ADGRL3: variants seen among roughly 807,000 people sequenced by gnomAD.
ADGRL3 encodes calcium-independent alpha-latrotoxin receptor 3.
In ADGRL3, 62 loss-of-function variants were observed where a neutral mutation model predicts 153.5. The observed-to-expected ratio is 0.40, with a 90% CI of 0.33 to 0.50. The LOEUF (loss-of-function observed/expected upper bound fraction) is 0.50. ADGRL3 is among the 20% of genes least tolerant of loss of function. ADGRL3 has a pLI of 0.47. For synonymous variants in ADGRL3, 710 were observed against 672.5 expected, an observed-to-expected ratio of 1.06 and a Z score of -0.86; for missense variants, 1,641 against 1,859.4, an observed-to-expected ratio of 0.88 and a Z score of 2.16.
At chr4:61,751,251 C>G (rs556833560) in intron 8 of ADGRL3, among the ~76,000 whole-genome samples, 2 of 152,172 alleles carry the variant, frequency 1.3e-5, no homozygotes, top group Middle Eastern at 3.4e-3. Context: ...TAATTTTAAC[C>G]TATTATTCTA....
intron 11 of ADGRL3, among the ~76,000 whole-genome samples, chr4:61,907,169 T>C (rs1385841680): frequency 6.6e-6 from 1 of 152,118 alleles, no homozygotes; most frequent in East Asian, 1.9e-4. Flanking sequence ...AGCAAGTTGA[T>C]TCCATAGACA....
At chr4:61,346,367 G>C (rs1475964379) in intron 1 of ADGRL3, among the ~76,000 whole-genome samples, 2 of 151,182 alleles carry the variant, frequency 1.3e-5, no homozygotes, top group Non-Finnish European at 2.9e-5. Flanking sequence ...TAGATGGCTT[G>C]TATGGGGGAG....
chr4:61,396,126 T>C (rs1397976131), intron 2 of ADGRL3, among the ~76,000 whole-genome samples: 1 of 151,992 alleles, frequency 6.6e-6, no homozygotes, highest in Non-Finnish European at 1.5e-5. Flanking sequence ...ACCTACAGTG[T>C]GCTTTTCACC....
chr4:62,053,207 TAA>T (rs1347184104), intron 25 of ADGRL3, among the ~76,000 whole-genome samples: 1 of 151,422 alleles, frequency 6.6e-6, no homozygotes, highest in Non-Finnish European at 1.5e-5. Flanking sequence ...TTCAATTACC[TAA>T]AAAATTAAAA....
chr4:61,656,850 A>G (rs1352945327), intron 5 of ADGRL3, among the ~76,000 whole-genome samples: 1 of 152,154 alleles, frequency 6.6e-6, no homozygotes, highest in Non-Finnish European at 1.5e-5. Context: ...TTAGATGTCC[A>G]TTTGGACATT....
At chr4:61,788,677 C>T (rs973330429) in intron 8 of ADGRL3, among the ~76,000 whole-genome samples, 15 of 152,112 alleles carry the variant, frequency 9.9e-5, no homozygotes, top group Admixed American at 7.2e-4. Flanking sequence ...TGGATCCAAA[C>T]CAAGAAGAAA....
chr4:61,282,634 T>G (rs2093769549), intron 1 of ADGRL3, among the ~76,000 whole-genome samples: 1 of 151,802 alleles, frequency 6.6e-6, no homozygotes, highest in Non-Finnish European at 1.5e-5. Context: ...GGATGCTAAC[T>G]TTTTTTTACT....
intron 19 of ADGRL3, among the ~76,000 whole-genome samples, chr4:61,989,031 G>A (rs1049067979): frequency 6.6e-6 from 1 of 151,916 alleles, no homozygotes; most frequent in Non-Finnish European, 1.5e-5. Context: ...TTTCAAAGGG[G>A]TACTTTCTCC....
intron 1 of ADGRL3, among the ~76,000 whole-genome samples, chr4:61,369,742 A>G (rs1459665519): frequency 6.6e-6 from 1 of 152,216 alleles, no homozygotes; most frequent in African/African-American, 2.4e-5. Context: ...TGCTGGCCTC[A>G]TAAAATGAGT....
chr4:61,418,135 A>C (rs2097164686), intron 2 of ADGRL3, among the ~76,000 whole-genome samples: 1 of 152,236 alleles, frequency 6.6e-6, no homozygotes, highest in Non-Finnish European at 1.5e-5. Flanking sequence ...AAGAGCAAGA[A>C]GCAAAAGGCA....
intron 2 of ADGRL3, among the ~76,000 whole-genome samples, chr4:61,398,617 C>G (rs1407026714): frequency 6.6e-6 from 1 of 151,484 alleles, no homozygotes. Flanking sequence ...GTTTTGCTGA[C>G]CATTCCATCC....
At chr4:61,703,098 T>G (rs1053807651) in intron 6 of ADGRL3, among the ~76,000 whole-genome samples, 3 of 152,122 alleles carry the variant, frequency 2.0e-5, no homozygotes, top group African/African-American at 7.2e-5. Context: ...TCCTTTGTAT[T>G]TTATTATACT....
chr4:61,212,930 T>C (rs1740808847), intron 1 of ADGRL3, among the ~76,000 whole-genome samples: 1 of 152,170 alleles, frequency 6.6e-6, no homozygotes, highest in Admixed American at 6.5e-5. Flanking sequence ...GATCTTATCT[T>C]GGTGAAATAG....
chr4:61,399,775 C>T (rs2096908752), intron 2 of ADGRL3, among the ~76,000 whole-genome samples: 1 of 151,628 alleles, frequency 6.6e-6, no homozygotes, highest in African/African-American at 2.4e-5. Context: ...AAAATCTTCC[C>T]TCTTGCTCTA....
chr4:61,317,728 A>G lies in ADGRL3; in HGVS notation c.-239-65396A>G, dbSNP rs142755703. ...ACAGAGGCTGAAGATTGTAGCTTCT[A>G]TCCTACGTAGAGTAACCAGAGTCTA... On this transcript the variant is annotated intron_variant, in intron 1 of 26. Transcript: ENST00000683033. 2.4e-4 allele frequency among the ~76,000 whole-genome samples: 36 copies of G among 152,282 alleles called. 1 individual carries two copies. The East Asian group carries it at 6.8e-3, about 29-fold the overall frequency.
At chr4:61,754,685 T>G (rs1290672384) in intron 8 of ADGRL3, among the ~76,000 whole-genome samples, 1 of 152,080 alleles carries the variant, frequency 6.6e-6, no homozygotes, top group Non-Finnish European at 1.5e-5. Flanking sequence ...TAGTTACATA[T>G]GTATACATGT....
chr4:61,646,780 C>T (rs1007308042), intron 5 of ADGRL3, among the ~76,000 whole-genome samples: 1 of 152,178 alleles, frequency 6.6e-6, no homozygotes, highest in African/African-American at 2.4e-5. Context: ...GCAGGCAGGC[C>T]TCCTTGAGCT....
intron 13 of ADGRL3, among the ~76,000 whole-genome samples, chr4:61,919,300 A>G (rs1281337989): frequency 2.6e-5 from 4 of 152,212 alleles, no homozygotes; most frequent in African/African-American, 9.6e-5. Context: ...AGGACATCTG[A>G]AAGTAGTTTG....
chr4:61,938,827 A>G (rs1158854658), intron 15 of ADGRL3, among the ~76,000 whole-genome samples: 3 of 148,212 alleles, frequency 2.0e-5, no homozygotes, highest in African/African-American at 4.9e-5. Flanking sequence ...GAATTTCCCA[A>G]ACATGGGAGT....
Sources: allele counts gnomAD v4.1 joint callset (sites outside exome capture counted in the v4.1 genomes callset), GRCh38; gene constraint gnomAD v4.1.1; transcripts MANE v1.5; gene names NCBI Gene and HGNC (gene_info 2026-07-23, HGNC 2026-07-21).